ADAMTSL3: variants seen among roughly 807,000 people sequenced by gnomAD.
The protein encoded by ADAMTSL3 is ADAMTS like 3.
A neutral mutation model predicts 201.7 loss-of-function variants in ADAMTSL3; 128 were observed. That is an observed-to-expected ratio of 0.63 (90% CI 0.55 to 0.73). The LOEUF is 0.73. ADAMTSL3 is among the 30% of genes least tolerant of loss of function. The pLI, the probability that ADAMTSL3 is intolerant of heterozygous loss-of-function variation, is 0.00. For synonymous variants in ADAMTSL3, 738 were observed against 748.4 expected, an observed-to-expected ratio of 0.99 and a Z score of 0.23; for missense variants, 1,990 against 2,119.6, an observed-to-expected ratio of 0.94 and a Z score of 1.20.
chr15:83,990,534 C>G (rs115364933), intron 22 of ADAMTSL3, among the ~76,000 whole-genome samples: 2,120 of 152,228 alleles, frequency 0.014, 54 homozygotes, highest in African/African-American at 0.048. Context: ...GAAAAAACCT[C>G]TTATTACGCT....
chr15:83,911,887 A>G (rs1567231500), intron 15 of ADAMTSL3, among the ~76,000 whole-genome samples: 1 of 152,206 alleles, frequency 6.6e-6, no homozygotes, highest in African/African-American at 2.4e-5. Flanking sequence ...ACATAATCCC[A>G]CGGACAAGGG....
intron 3 of ADAMTSL3, among the ~76,000 whole-genome samples, chr15:83,715,018 T>A (rs1260535387): frequency 6.6e-6 from 1 of 151,450 alleles, no homozygotes; most frequent in Non-Finnish European, 1.5e-5. Context: ...CTTCATGGGT[T>A]GTAGTGGGAG....
chr15:83,932,625 A>G (rs2066382178), intron 17 of ADAMTSL3, among the ~76,000 whole-genome samples: 1 of 152,216 alleles, frequency 6.6e-6, no homozygotes, highest in Admixed American at 6.5e-5. Context: ...TCCCCTGAGA[A>G]TCTAAGAGCT....
intron 3 of ADAMTSL3, among the ~76,000 whole-genome samples, chr15:83,766,411 T>C (rs2141721979): frequency 6.6e-6 from 1 of 152,258 alleles, no homozygotes; most frequent in South Asian, 2.1e-4. Flanking sequence ...GAATTCCTCA[T>C]GAAAGAAGCT....
At chr15:83,686,264 A>G (rs1460903932) in intron 2 of ADAMTSL3, among the ~76,000 whole-genome samples, 1 of 152,174 alleles carries the variant, frequency 6.6e-6, no homozygotes, top group Non-Finnish European at 1.5e-5. Flanking sequence ...AACACAACCA[A>G]TCATATCGGT....
In ADAMTSL3 at chr15:84,016,474, C is replaced by T. The variant is rs1232893498; in HGVS notation, c.4248C>T (p.Asp1416=). Residue 1416 remains aspartate (D), a synonymous_variant, in exon 25 of 30, where the codon GAC becomes GAT. Transcript: ENST00000286744. ...QATNTRTNSN[D]PTGEPPPQEP... ...CCAACACTAGAACCAACAGCAATGA[C>T]CCAACAGGAGAACCCCCGCCTCAAG... 6.2e-7 allele frequency: 1 copy of T among 1,613,744 alleles called. No homozygotes were observed. Among genetic ancestry groups the T allele is most frequent in the Admixed American group, 1.7e-5 (1 of 60,002 alleles).
chr15:83,870,152 C>T (rs541398376), intron 8 of ADAMTSL3, among the ~76,000 whole-genome samples: 5 of 152,236 alleles, frequency 3.3e-5, no homozygotes, highest in Admixed American at 2.6e-4. Context: ...GGGTTTCATG[C>T]ACAAGGGAGG....
chr15:84,033,138 C>T (rs1357597258), intron 28 of ADAMTSL3, among the ~76,000 whole-genome samples: 1 of 151,976 alleles, frequency 6.6e-6, no homozygotes. Context: ...TTGGCCAAAC[C>T]ACCATCGTAT....
intron 17 of ADAMTSL3, among the ~76,000 whole-genome samples, chr15:83,934,783 A>G (rs147489733): frequency 1.3e-5 from 2 of 152,232 alleles, no homozygotes; most frequent in African/African-American, 4.8e-5. Flanking sequence ...CCCCAAAAAT[A>G]TGCTAAGAAA....
chr15:83,860,233 G>A (rs146863496), intron 8 of ADAMTSL3, among the ~76,000 whole-genome samples: 5 of 152,274 alleles, frequency 3.3e-5, no homozygotes, highest in African/African-American at 1.2e-4. Flanking sequence ...AATAGTATAT[G>A]GAGAGTAAAG....
intron 2 of ADAMTSL3, among the ~76,000 whole-genome samples, chr15:83,678,298 C>T (rs1478896970): frequency 1.3e-5 from 2 of 152,016 alleles, no homozygotes; most frequent in Non-Finnish European, 2.9e-5. Flanking sequence ...CTTTTTGGAA[C>T]ACTTCTTTTA....
intron 3 of ADAMTSL3, among the ~76,000 whole-genome samples, chr15:83,751,436 C>T (rs2062634957): frequency 1.3e-5 from 2 of 152,082 alleles, no homozygotes; most frequent in South Asian, 4.2e-4. Flanking sequence ...CTTCCTAGAG[C>T]CTTGTTGGCT....
chr15:83,858,739 T>C (rs2064793577), intron 7 of ADAMTSL3, 27 bp from the exon 8 acceptor site: 3 of 1,589,150 alleles, frequency 1.9e-6, no homozygotes, highest in East Asian at 2.2e-5. Context: ...ACTGGTTTTA[T>C]TGCAGTTGCG....
intron 5 of ADAMTSL3, among the ~76,000 whole-genome samples, chr15:83,809,551 C>G (rs540885596): frequency 6.6e-6 from 1 of 152,352 alleles, no homozygotes; most frequent in Admixed American, 6.5e-5. Context: ...CCATTGCTCA[C>G]TGGCAGTGTA....
At chr15:84,031,548 T>A in intron 28 of ADAMTSL3, 116 bp downstream of exon 28, 1 of 871,572 alleles carries the variant, frequency 1.1e-6, no homozygotes, top group Non-Finnish European at 1.8e-6. Context: ...TAATTGACAG[T>A]TTTCAATTAT....
At chr15:83,865,063 G>GA (rs762973032) in intron 8 of ADAMTSL3, among the ~76,000 whole-genome samples, 1 of 152,140 alleles carries the variant, frequency 6.6e-6, no homozygotes, top group Non-Finnish European at 1.5e-5. Flanking sequence ...CAAGGGACAT[G>GA]AAGGACCTCT....
chr15:83,812,334 A>G (rs985957689), intron 5 of ADAMTSL3, among the ~76,000 whole-genome samples: 15 of 152,112 alleles, frequency 9.9e-5, no homozygotes, highest in Non-Finnish European at 1.9e-4. Flanking sequence ...AAGACTGGCC[A>G]CACTAGTTCA....
At chr15:83,773,951 A>G (rs2063029329) in intron 4 of ADAMTSL3, among the ~76,000 whole-genome samples, 2 of 152,166 alleles carry the variant, frequency 1.3e-5, no homozygotes, top group Non-Finnish European at 1.5e-5. Context: ...CAAGAGGTCA[A>G]GTCTTCTGAG....
At chr15:83,796,071 A>G (rs781409519) in intron 4 of ADAMTSL3, among the ~76,000 whole-genome samples, 11 of 152,246 alleles carry the variant, frequency 7.2e-5, no homozygotes, top group Non-Finnish European at 1.3e-4. Context: ...GAATAAAGGT[A>G]TACTCTCAAT....
Sources: gnomAD v4.1 joint callset for allele counts (sites outside exome capture counted in the v4.1 genomes callset) on GRCh38, gnomAD v4.1.1 for gene constraint, MANE v1.5 for transcripts, NCBI Gene and HGNC (gene_info 2026-07-23, HGNC 2026-07-21) for gene names.